The following TRIM9 variants were observed in gnomAD, a reference collection of about 807,000 sequenced individuals.
TRIM9 encodes tripartite motif containing 9.
TRIM9 carries 26 observed loss-of-function variants against 78.3 expected under a neutral mutation model. That is an observed-to-expected ratio of 0.33 (90% CI 0.24 to 0.46). The LOEUF (loss-of-function observed/expected upper bound fraction) is 0.46. Among genes scored for constraint, TRIM9 ranks in the 20% least tolerant of loss-of-function variants. The probability of loss-of-function intolerance (pLI) is 1.00; values close to 1 mark genes in which losing one functional copy is unlikely to be tolerated. For synonymous variants in TRIM9, 398 were observed against 416.5 expected (o/e 0.96, Z 0.54); for missense variants, 787 against 1,036.4 (o/e 0.76, Z 3.30).
chr14:51,019,705 G>T (rs1029179410), intron 3 of TRIM9, among the ~76,000 whole-genome samples: 1 of 152,124 alleles, frequency 6.6e-6, no homozygotes. Flanking sequence ...ATACATTAAA[G>T]ATTGTGCTAA....
At chr14:50,995,985 C>T (rs548009555) in intron 7 of TRIM9, 1 of 505,542 alleles carries the variant, frequency 2.0e-6, no homozygotes, top group African/African-American at 2.1e-5. Context: ...AAGCTATTCA[C>T]TATATTTTTT....
chr14:51,013,965 T>A (rs572361506), intron 3 of TRIM9, among the ~76,000 whole-genome samples: 1 of 152,296 alleles, frequency 6.6e-6, no homozygotes, highest in Admixed American at 6.5e-5. Flanking sequence ...TGCTGCCAGG[T>A]AGCAGACACC....
At chr14:50,998,001 T>C (rs763096731) in intron 7 of TRIM9, 49 bp downstream of exon 7, 4 of 1,611,972 alleles carry the variant, frequency 2.5e-6, no homozygotes, top group Non-Finnish European at 2.5e-6. Flanking sequence ...CCAGCCACTT[T>C]AGATGCCACG....
At chr14:51,051,649 C>G (rs1444960974) in intron 1 of TRIM9, among the ~76,000 whole-genome samples, 2 of 152,072 alleles carry the variant, frequency 1.3e-5, no homozygotes, top group South Asian at 4.1e-4. Flanking sequence ...TGATAGTGAG[C>G]TATACCATGG....
At chr14:50,997,041 A>G in intron 7 of TRIM9, 1 of 985,410 alleles carries the variant, frequency 1.0e-6, no homozygotes, top group African/African-American at 1.7e-5. Context: ...AACATCTTGA[A>G]CTTGAACAAA....
intron 8 of TRIM9, among the ~76,000 whole-genome samples, chr14:50,985,257 G>A (rs2052538259): frequency 6.6e-6 from 1 of 152,206 alleles, no homozygotes. Context: ...GAGGAGTCCA[G>A]ACTTTTTGAT....
At chr14:51,025,136 G>GAAC in intron 2 of TRIM9, 129 bp downstream of exon 2, 7 of 835,620 alleles carry the variant, frequency 8.4e-6, no homozygotes, top group South Asian at 8.2e-5. Flanking sequence ...TGTATGTAAA[G>GAAC]AACAACAACA....
chr14:50,994,401 T>C (rs938532624), intron 7 of TRIM9, among the ~76,000 whole-genome samples: 1 of 152,016 alleles, frequency 6.6e-6, no homozygotes, highest in African/African-American at 2.4e-5. Flanking sequence ...AGTGTGACCT[T>C]GTCTCAAAAA....
chr14:50,984,961 G>T (rs2052501868), intron 8 of TRIM9, among the ~76,000 whole-genome samples: 1 of 152,200 alleles, frequency 6.6e-6, no homozygotes, highest in African/African-American at 2.4e-5. Flanking sequence ...ACAGCTTGAA[G>T]TCCCTGCATC....
At chr14:51,035,110 T>C (rs1184270116) in intron 1 of TRIM9, among the ~76,000 whole-genome samples, 2 of 152,220 alleles carry the variant, frequency 1.3e-5, no homozygotes, top group Non-Finnish European at 2.9e-5. Flanking sequence ...TATAGAGACA[T>C]GCATTATCTC....
chr14:51,006,055 G>A (rs1293077725), intron 5 of TRIM9, among the ~76,000 whole-genome samples: 5 of 152,204 alleles, frequency 3.3e-5, no homozygotes. Context: ...TGGCGTCTAT[G>A]ATGAGCTTTT....
intron 1 of TRIM9, among the ~76,000 whole-genome samples, chr14:51,085,973 G>C (rs1441611342): frequency 1.3e-5 from 2 of 152,104 alleles, no homozygotes; most frequent in Non-Finnish European, 2.9e-5. Flanking sequence ...CGATGATCTG[G>C]TCTGTGGAAT....
intron 3 of TRIM9, among the ~76,000 whole-genome samples, chr14:51,019,377 CCA>C (rs2057529214): frequency 6.6e-6 from 1 of 152,228 alleles, no homozygotes; most frequent in African/African-American, 2.4e-5. Flanking sequence ...TCTTATCAAA[CCA>C]CAGAGTAGTA....
At chr14:50,979,609 C>G (rs755929985) in intron 11 of TRIM9, 60 bp from the exon 12 acceptor site, 20 of 1,440,508 alleles carry the variant, frequency 1.4e-5, no homozygotes, top group Middle Eastern at 1.9e-4. Flanking sequence ...AAGCTCCCCC[C>G]TTTTGTGTGG....
At chr14:51,066,473 G>A (rs2061749757) in intron 1 of TRIM9, among the ~76,000 whole-genome samples, 1 of 152,164 alleles carries the variant, frequency 6.6e-6, no homozygotes, top group African/African-American at 2.4e-5. Flanking sequence ...TTTCCATCCT[G>A]TGTCACTGGC....
intron 3 of TRIM9, among the ~76,000 whole-genome samples, chr14:51,021,085 G>T (rs2057714924): frequency 6.6e-6 from 1 of 152,184 alleles, no homozygotes; most frequent in South Asian, 2.1e-4. Flanking sequence ...AGTTCTATGT[G>T]ATTCGAATGA....
intron 1 of TRIM9, among the ~76,000 whole-genome samples, chr14:51,028,373 A>C (rs1490888100): frequency 6.6e-6 from 1 of 152,242 alleles, no homozygotes; most frequent in Non-Finnish European, 1.5e-5. Flanking sequence ...CTCTTATTGT[A>C]AGGATTTATA....
intron 1 of TRIM9, among the ~76,000 whole-genome samples, chr14:51,045,746 G>C (rs1408138405): frequency 6.6e-6 from 1 of 152,260 alleles, no homozygotes; most frequent in East Asian, 1.9e-4. Context: ...ATTCTTCTAT[G>C]AGCTTGATTA....
intron 2 of TRIM9, among the ~76,000 whole-genome samples, chr14:51,024,016 G>A (rs1237022935): frequency 6.6e-6 from 1 of 152,206 alleles, no homozygotes; most frequent in African/African-American, 2.4e-5. Flanking sequence ...TATAAGGAAT[G>A]CATTAGTAAT....
Sources: allele counts gnomAD v4.1 joint callset (sites outside exome capture counted in the v4.1 genomes callset), GRCh38; gene constraint gnomAD v4.1.1; transcripts MANE v1.5; gene names NCBI Gene and HGNC (gene_info 2026-07-23, HGNC 2026-07-21).